Variants in CSMD1 observed in about 807,000 individuals in gnomAD.
CSMD1 encodes CUB and sushi domain-containing protein 1.
In CSMD1, 213 loss-of-function variants were observed where a neutral mutation model predicts 417.5. That is an observed-to-expected ratio of 0.51 (90% CI 0.46 to 0.57). The LOEUF is 0.57. CSMD1 is among the 20% of genes least tolerant of loss of function. The pLI is 0.00. For missense variants in CSMD1, 6,923 were observed against 4,529.7 expected, an observed-to-expected ratio of 1.53 and a Z score of -15.17; for synonymous variants, 2,862 against 1,736.8, an observed-to-expected ratio of 1.65 and a Z score of -16.11.
chr8:4,048,802 G>A lies in CSMD1; in HGVS notation c.416-16703C>T, dbSNP rs1032809759. Among the ~76,000 whole-genome samples the A allele has an allele frequency of 2.0e-5, 3 of 152,186 alleles. No individual in the cohort carries two copies. In the East Asian group the frequency reaches 5.8e-4, roughly 29 times the overall value. Reference sequence around the variant, plus strand: ...ACATGAATGTTATTATACAGTATATGTAGTCACAAGCTTTATTCACTCAAT... The same window carrying A: ...ACATGAATGTTATTATACAGTATATATAGTCACAAGCTTTATTCACTCAAT... On this transcript the variant is annotated intron_variant, in intron 3 of 69. Coordinates refer to ENST00000635120, the MANE Select transcript of CSMD1 (RefSeq NM_033225.6).
At chr8:4,280,274 G>A (rs117331449) in intron 3 of CSMD1, among the ~76,000 whole-genome samples, 15 of 152,114 alleles carry the variant, frequency 9.9e-5, no homozygotes, top group African/African-American at 1.9e-4. Flanking sequence ...TTTGATATTA[G>A]CACGTTTTTA....
intron 8 of CSMD1, among the ~76,000 whole-genome samples, chr8:3,596,601 C>T (rs1801106112): frequency 6.6e-6 from 1 of 152,026 alleles, no homozygotes; most frequent in African/African-American, 2.4e-5. Context: ...ATATTTCCTC[C>T]CGGGCTTATA....
intron 4 of CSMD1, among the ~76,000 whole-genome samples, chr8:4,006,973 A>G (rs1585120920): frequency 1.3e-5 from 2 of 151,736 alleles, no homozygotes; most frequent in Admixed American, 6.6e-5. Context: ...GACTACAGGC[A>G]CACACCACCA....
intron 7 of CSMD1, among the ~76,000 whole-genome samples, chr8:3,705,574 T>C (rs1414194187): frequency 6.6e-5 from 10 of 152,156 alleles, no homozygotes; most frequent in Admixed American, 6.5e-4. Context: ...AATGTCCAGC[T>C]TACAGAATAA....
chr8:4,039,205 G>A (rs1585184387), intron 3 of CSMD1, among the ~76,000 whole-genome samples: 1 of 152,060 alleles, frequency 6.6e-6, no homozygotes, highest in African/African-American at 2.4e-5. Context: ...GGTCCCTTAG[G>A]GTTTCTCTCC....
chr8:3,757,509 G>T (rs1050288784), intron 5 of CSMD1, among the ~76,000 whole-genome samples: 7 of 152,076 alleles, frequency 4.6e-5, no homozygotes, highest in African/African-American at 1.7e-4. Flanking sequence ...TTAGCTGATG[G>T]GCCAGATTTG....
At chr8:3,294,183 G>T (rs966080981) in intron 25 of CSMD1, among the ~76,000 whole-genome samples, 1 of 152,134 alleles carries the variant, frequency 6.6e-6, no homozygotes, top group Non-Finnish European at 1.5e-5. Flanking sequence ...TCATTCCTCT[G>T]GAAGTTTTGT....
At chr8:4,610,255 G>T (rs1311687492) in intron 2 of CSMD1, among the ~76,000 whole-genome samples, 1 of 152,176 alleles carries the variant, frequency 6.6e-6, no homozygotes, top group Non-Finnish European at 1.5e-5. Flanking sequence ...TAGAGATCAA[G>T]TGGGAAGTTC....
At chr8:4,492,066 A>G (rs1342402284) in intron 2 of CSMD1, among the ~76,000 whole-genome samples, 1 of 152,192 alleles carries the variant, frequency 6.6e-6, no homozygotes, top group Non-Finnish European at 1.5e-5. Context: ...CGACCTGTCA[A>G]GACACAAAAA....
chr8:3,855,719 G>T (rs1387614958), intron 5 of CSMD1, among the ~76,000 whole-genome samples: 1 of 152,128 alleles, frequency 6.6e-6, no homozygotes, highest in South Asian at 2.1e-4. Context: ...CTTCTACTGA[G>T]AAAATTTCAT....
chr8:4,047,191 G>T (rs1268704333), intron 3 of CSMD1, among the ~76,000 whole-genome samples: 1 of 152,144 alleles, frequency 6.6e-6, no homozygotes, highest in Non-Finnish European at 1.5e-5. Flanking sequence ...TGGGCCAGAT[G>T]CTCTGTAGTA....
At chr8:4,401,998 C>T (rs1179730017) in intron 3 of CSMD1, among the ~76,000 whole-genome samples, 1 of 151,964 alleles carries the variant, frequency 6.6e-6, no homozygotes, top group Non-Finnish European at 1.5e-5. Context: ...CTCCCTGCCA[C>T]ATTCCTGCTG....
At chr8:3,237,421 T>A (rs972063788) in intron 26 of CSMD1, among the ~76,000 whole-genome samples, 1 of 151,402 alleles carries the variant, frequency 6.6e-6, no homozygotes, top group African/African-American at 2.4e-5. Context: ...GGCACCATTG[T>A]ACTCCAGCAT....
chr8:4,254,613 G>C (rs1031316791), intron 3 of CSMD1, among the ~76,000 whole-genome samples: 1 of 152,090 alleles, frequency 6.6e-6, no homozygotes, highest in Non-Finnish European at 1.5e-5. Flanking sequence ...ACTCACCCTG[G>C]ACAACTTCCA....
chr8:3,161,282 G>C (rs552536656), intron 38 of CSMD1, among the ~76,000 whole-genome samples: 9 of 152,072 alleles, frequency 5.9e-5, no homozygotes, highest in Admixed American at 1.3e-4. Context: ...GACTACTCTT[G>C]CCATACATTA....
chr8:4,894,440 C>A (rs1038248705), intron 1 of CSMD1, among the ~76,000 whole-genome samples: 8 of 151,588 alleles, frequency 5.3e-5, no homozygotes, highest in Non-Finnish European at 1.0e-4. Context: ...GCTTTAAGAG[C>A]TGCTTGGGAG....
intron 1 of CSMD1, among the ~76,000 whole-genome samples, chr8:4,890,756 T>C (rs1043887218): frequency 5.9e-5 from 9 of 152,088 alleles, no homozygotes; most frequent in Non-Finnish European, 1.2e-4. Flanking sequence ...TTGAAAGTCA[T>C]GGAAGAAAGC....
intron 5 of CSMD1, among the ~76,000 whole-genome samples, chr8:3,815,761 C>A (rs1414150631): frequency 6.6e-6 from 1 of 151,816 alleles, no homozygotes; most frequent in Non-Finnish European, 1.5e-5. Context: ...AGTCATAAAA[C>A]CACATTGTTC....
chr8:3,266,194 A>G (rs2117119567), intron 26 of CSMD1, among the ~76,000 whole-genome samples: 1 of 150,986 alleles, frequency 6.6e-6, no homozygotes, highest in South Asian at 2.1e-4. Context: ...GCAGAAGACA[A>G]GAGGCAAAAT....
Sources: gnomAD v4.1 joint callset for allele counts (sites outside exome capture counted in the v4.1 genomes callset) on GRCh38, gnomAD v4.1.1 for gene constraint, MANE v1.5 for transcripts, NCBI Gene and HGNC (gene_info 2026-07-23, HGNC 2026-07-21) for gene names.